The following ATP6V0E1 variants were observed in gnomAD, a reference collection of about 807,000 sequenced individuals.
The protein encoded by ATP6V0E1 is V-type proton ATPase subunit e 1.
ATP6V0E1 carries 4 observed loss-of-function variants against 11.6 expected under a neutral mutation model. The observed-to-expected ratio is 0.35, with a 90% CI of 0.17 to 0.79. The LOEUF is 0.79. Ranked by LOEUF, ATP6V0E1 falls within the 30% of genes least tolerant of loss-of-function variation. ATP6V0E1 has a pLI of 0.54. For synonymous variants in ATP6V0E1, 36 were observed against 34.8 expected, an observed-to-expected ratio of 1.04 and a Z score of -0.13; for missense variants, 105 against 100.0, an observed-to-expected ratio of 1.05 and a Z score of -0.21.
chr5:173,012,239 C>T (rs952969558), intron 2 of ATP6V0E1, among the ~76,000 whole-genome samples: 5 of 151,804 alleles, frequency 3.3e-5, no homozygotes, highest in Admixed American at 6.6e-5. Flanking sequence ...CCCATATTGG[C>T]CAGGCTGGTC....
intron 2 of ATP6V0E1, among the ~76,000 whole-genome samples, chr5:172,999,101 A>C (rs932666688): frequency 2.7e-4 from 41 of 151,760 alleles, no homozygotes; most frequent in African/African-American, 8.5e-4. Context: ...GTGCCATTGC[A>C]CTCCAGCCTG....
chr5:172,983,800 A>G lies in ATP6V0E1; in HGVS notation c.-61A>G. On this transcript the variant is annotated 5_prime_UTR_variant, in exon 1 of 4. Transcript: ENST00000519374. ...ACGCTGGTCACGCGGTCAGCTATTG[A>G]CACTTCCTGGTGGGATCCGAGTGAG... is the stretch of plus-strand genomic sequence containing the variant. 6.6e-7 allele frequency: 1 copy of G among 1,523,902 alleles called. No homozygotes were observed. Among genetic ancestry groups the G allele is most frequent in the Non-Finnish European group, 9.1e-7 (1 of 1,101,210 alleles). The allele number at this position is 1,523,902 out of a possible 1,614,324, so 94.4% of individuals were successfully genotyped here.
intron 3 of ATP6V0E1, among the ~76,000 whole-genome samples, chr5:173,033,151 G>T (rs1034925292): frequency 2.0e-5 from 3 of 152,180 alleles, no homozygotes; most frequent in Admixed American, 2.0e-4. Flanking sequence ...CTAGGCTGGG[G>T]TGCAGAATGG....
chr5:172,986,316 G>T (rs1755896617), intron 1 of ATP6V0E1, among the ~76,000 whole-genome samples: 1 of 152,024 alleles, frequency 6.6e-6, no homozygotes, highest in South Asian at 2.1e-4. Context: ...TTAACTTTTT[G>T]ACTCTTGTAC....
At chr5:173,023,035 T>G (rs1171647545) in intron 3 of ATP6V0E1, among the ~76,000 whole-genome samples, 2 of 151,380 alleles carry the variant, frequency 1.3e-5, no homozygotes, top group East Asian at 3.9e-4. Context: ...TTTGTTTTGT[T>G]TTGTGGAAAT....
Position 173,034,509 on chromosome 5 carries a change from A to C in ATP6V0E1, c.*147A>C. On this transcript the variant is annotated 3_prime_UTR_variant, in exon 4 of 4. Coordinates refer to ENST00000519374, the MANE Select transcript of ATP6V0E1 (RefSeq NM_003945.4). Reference sequence around the variant, plus strand: ...GCCTTAAACGTTAACAGCACATTTGAATGCCTTATTCTACAATGCAGCGTG... The same window carrying C: ...GCCTTAAACGTTAACAGCACATTTGCATGCCTTATTCTACAATGCAGCGTG... The C allele has an allele frequency of 1.4e-6, 1 of 698,468 alleles. No homozygotes were observed. Among genetic ancestry groups the C allele is most frequent in the Non-Finnish European group, 2.6e-6 (1 of 381,202 alleles). The allele number at this position is 698,468 out of a possible 1,614,324, so 43.3% of individuals were successfully genotyped here.
At chr5:173,026,520 C>A (rs183737598) in intron 3 of ATP6V0E1, among the ~76,000 whole-genome samples, 11 of 152,122 alleles carry the variant, frequency 7.2e-5, no homozygotes, top group African/African-American at 2.2e-4. Context: ...TACATATATT[C>A]ATTCATATGT....
chr5:172,990,166 TA>T (rs1020729747), intron 1 of ATP6V0E1, among the ~76,000 whole-genome samples: 54 of 147,732 alleles, frequency 3.7e-4, no homozygotes, highest in Admixed American at 5.4e-4. Flanking sequence ...TTTCTTTTAT[TA>T]AAAAAAAAAA....
rs189107527 is a variant in ATP6V0E1 at position 173,000,849 on chromosome 5, C to T, written c.152+6027C>T. 1.8e-4 allele frequency among the ~76,000 whole-genome samples: 27 copies of T among 151,972 alleles called. No homozygotes were observed. The East Asian group carries it at 4.6e-3, about 26-fold the overall frequency. On this transcript the variant is annotated intron_variant, in intron 2 of 3. Coordinates refer to ENST00000519374, the MANE Select transcript of ATP6V0E1 (RefSeq NM_003945.4). ...CTGAGTAGGTGGGACTACAGATGTGCGCCACCATGCCTGGCTATTTTTTGT... is the reference window on the plus strand; with the variant it reads ...CTGAGTAGGTGGGACTACAGATGTGTGCCACCATGCCTGGCTATTTTTTGT...
intron 3 of ATP6V0E1, among the ~76,000 whole-genome samples, chr5:173,023,934 A>G (rs1232055403): frequency 6.6e-6 from 1 of 152,098 alleles, no homozygotes; most frequent in Non-Finnish European, 1.5e-5. Context: ...ACGGTGGCTC[A>G]CCCCTCTAAT....
chr5:172,984,301 T>C (rs1755848773), intron 1 of ATP6V0E1, among the ~76,000 whole-genome samples: 1 of 152,100 alleles, frequency 6.6e-6, no homozygotes, highest in Non-Finnish European at 1.5e-5. Context: ...TAGTCGACTG[T>C]CCCCCTTTAG....
chr5:172,994,926 TG>T, intron 2 of ATP6V0E1, 104 bp downstream of exon 2: 3 of 884,110 alleles, frequency 3.4e-6, no homozygotes, highest in Non-Finnish European at 5.2e-6. Context: ...CTAGAAATAG[TG>T]TCCTAAAATT....
At chr5:173,017,840 CAAAAAAAAAA>C (rs538210275) in intron 2 of ATP6V0E1, among the ~76,000 whole-genome samples, 4 of 66,574 alleles carry the variant, frequency 6.0e-5, no homozygotes, top group Non-Finnish European at 1.3e-4. Context: ...GACTCCTTCT[CAAAAAAAAAA>C]AAAAAAAAAA....
chr5:173,034,633 G>C lies in ATP6V0E1; in HGVS notation c.*271G>C. On this transcript the variant is annotated 3_prime_UTR_variant, in exon 4 of 4. Coordinates refer to ENST00000519374, the MANE Select transcript of ATP6V0E1 (RefSeq NM_003945.4). ...GATTATGTACTCTTCTGAGATAGAA[G>C]ATGCTGTTCTTCTGAGAGATACGTT... The C allele has an allele frequency of 1.8e-6, 1 of 564,206 alleles. No individual in the cohort carries two copies. The highest frequency in any genetic ancestry group is 3.2e-6 in the Non-Finnish European group (1 of 312,156). 34.9% of individuals were successfully genotyped at this position (564,206 alleles called of 1,614,324 possible).
At chr5:173,001,480 A>C (rs1266881853) in intron 2 of ATP6V0E1, among the ~76,000 whole-genome samples, 4 of 152,114 alleles carry the variant, frequency 2.6e-5, no homozygotes, top group African/African-American at 4.8e-5. Flanking sequence ...GGAATTTGCA[A>C]ATCCAGAGCT....
intron 2 of ATP6V0E1, among the ~76,000 whole-genome samples, chr5:173,011,175 C>CTT (rs754605378): frequency 0.028 from 3,224 of 114,548 alleles, 96 homozygotes; most frequent in African/African-American, 0.045. Flanking sequence ...CCTGATTTAT[C>CTT]TTTTTTTTTT....
intron 2 of ATP6V0E1, among the ~76,000 whole-genome samples, chr5:173,019,795 C>A (rs184412027): frequency 4.8e-4 from 73 of 152,198 alleles, no homozygotes; most frequent in Admixed American, 3.3e-3. Flanking sequence ...TCAAACCTTG[C>A]CTGTACCAGT....
chr5:173,024,844 TTC>T (rs1756532344), intron 3 of ATP6V0E1, among the ~76,000 whole-genome samples: 2 of 147,246 alleles, frequency 1.4e-5, no homozygotes, highest in Non-Finnish European at 1.5e-5. Flanking sequence ...TTTTTCTTTT[TTC>T]TTTTTTTTTT....
rs1006875135 is a variant in ATP6V0E1, at chr5:172,983,936, T to A, written c.76T>A (p.Trp26Arg). The change falls in exon 1 of 4, where the codon TGG becomes AGG. Residue 26 changes from tryptophan to arginine, a missense_variant. By Grantham distance (101) the Trp-to-Arg change is moderately radical. Coordinates refer to ENST00000519374, the MANE Select transcript of ATP6V0E1 (RefSeq NM_003945.4). Reference sequence around the variant, plus strand: ...GGGCTTCGTCGGCTTCTTGGTGCCTTGGTTCATCCCTAAGGGTCCTAACCG... The same window carrying A: ...GGGCTTCGTCGGCTTCTTGGTGCCTAGGTTCATCCCTAAGGGTCCTAACCG... ...FWGFVGFLVP[W>R]FIPKGPNRGV... The A allele has an allele frequency of 1.9e-6, 3 of 1,613,124 alleles. No individual in the cohort carries two copies. The highest frequency in any genetic ancestry group is 2.5e-6 in the Non-Finnish European group (3 of 1,179,818).
Sources: gnomAD v4.1 joint callset for allele counts (sites outside exome capture counted in the v4.1 genomes callset) on GRCh38, gnomAD v4.1.1 for gene constraint, MANE v1.5 for transcripts, NCBI Gene and HGNC (gene_info 2026-07-23, HGNC 2026-07-21) for gene names.